Variants in COL4A5 observed in about 807,000 individuals in gnomAD.
The protein encoded by COL4A5 is collagen alpha-5(IV) chain.
In COL4A5, 26 loss-of-function variants were observed where a neutral mutation model predicts 130.2. That is an observed-to-expected ratio of 0.20 (90% CI 0.15 to 0.28). The LOEUF (loss-of-function observed/expected upper bound fraction) is 0.28. Among genes scored for constraint, COL4A5 ranks in the 10% least tolerant of loss-of-function variants. COL4A5 has a pLI of 1.00. For synonymous variants in COL4A5, 496 were observed against 439.6 expected, an observed-to-expected ratio of 1.13 and a Z score of -1.60; for missense variants, 1,131 against 1,344.3, an observed-to-expected ratio of 0.84 and a Z score of 2.48.
At chrX:108,681,082 C>A in intron 46 of COL4A5, 126 bp downstream of exon 46, 1 of 545,579 alleles carries the variant, frequency 1.8e-6, no homozygotes, top group Non-Finnish European at 3.1e-6. Flanking sequence ...GCAAAATAAA[C>A]AAGGCTCTGC....
At chrX:108,543,781 C>G (rs1292612226) in intron 2 of COL4A5, among the ~76,000 whole-genome samples, 1 of 111,764 alleles carries the variant, frequency 8.9e-6, no homozygotes, top group Admixed American at 9.5e-5. Context: ...TCTTTTATTT[C>G]GTTGAGCAGT....
intron 2 of COL4A5, 42 bp from the exon 3 acceptor site, chrX:108,559,022 A>G (rs751157334): frequency 1.5e-5 from 16 of 1,086,489 alleles, no homozygotes; most frequent in Non-Finnish European, 2.0e-5. Flanking sequence ...TGTGCTTGAA[A>G]ATTCACAAAT....
rs778096308 is a variant in COL4A5 at position 108,684,988 on chromosome X, A to C, written c.4217-1043A>C. On this transcript the variant is annotated intron_variant, in intron 47 of 52. Transcript: ENST00000328300. ...AGACGTAACCCATCACATGAACATA[A>C]CCAATAACAAAAAACACATGATTAT... Among the ~76,000 whole-genome samples, 88 of 112,431 alleles carry C rather than the reference A, an allele frequency of 7.8e-4. 1 individual carries two copies. The highest frequency in any genetic ancestry group is 1.0e-3 in the Non-Finnish European group (54 of 53,315).
chrX:108,621,391 C>T (rs1359869471), intron 31 of COL4A5, among the ~76,000 whole-genome samples: 1 of 109,679 alleles, frequency 9.1e-6, no homozygotes, highest in East Asian at 2.9e-4. Flanking sequence ...TCTCAAATTC[C>T]TGTCCTCGAG....
At chrX:108,482,149 C>T in intron 1 of COL4A5, among the ~76,000 whole-genome samples, 1 of 111,828 alleles carries the variant, frequency 8.9e-6, no homozygotes, top group Non-Finnish European at 1.9e-5. Context: ...TTCCTTCCAC[C>T]ATTATCCCAT....
chrX:108,657,212 G>T (rs187855554), intron 37 of COL4A5, among the ~76,000 whole-genome samples: 1 of 109,226 alleles, frequency 9.2e-6, no homozygotes, highest in East Asian at 2.9e-4. Context: ...TTTTTTTCCA[G>T]CACAGTTATC....
intron 1 of COL4A5, among the ~76,000 whole-genome samples, chrX:108,500,883 A>G (rs2065073934): frequency 9.0e-6 from 1 of 111,356 alleles, no homozygotes. Context: ...CGAGTGAGGG[A>G]TGAGTATGGC....
At chrX:108,651,510 T>C (rs2067728196) in intron 36 of COL4A5, among the ~76,000 whole-genome samples, 1 of 111,878 alleles carries the variant, frequency 8.9e-6, no homozygotes, top group Non-Finnish European at 1.9e-5. Context: ...TTCCCCACAA[T>C]TAACTTTGGG....
At chrX:108,598,302 G>C (rs2066558066) in intron 24 of COL4A5, among the ~76,000 whole-genome samples, 1 of 112,021 alleles carries the variant, frequency 8.9e-6, no homozygotes, top group African/African-American at 3.2e-5. Context: ...CATGTTCAAT[G>C]TGCCACAGAA....
At chrX:108,453,156 C>T (rs769300517) in intron 1 of COL4A5, among the ~76,000 whole-genome samples, 34 of 111,264 alleles carry the variant, frequency 3.1e-4, no homozygotes, top group African/African-American at 9.8e-4. Flanking sequence ...TGAACCAGCC[C>T]TGCATCCCAG....
At chrX:108,671,749 C>A (rs2068211590) in intron 42 of COL4A5, among the ~76,000 whole-genome samples, 1 of 111,596 alleles carries the variant, frequency 9.0e-6, no homozygotes, top group Non-Finnish European at 1.9e-5. Context: ...ATTTAGACAT[C>A]AAAGGTGGGA....
intron 1 of COL4A5, among the ~76,000 whole-genome samples, chrX:108,481,550 G>A (rs888767246): frequency 3.6e-5 from 4 of 111,547 alleles, no homozygotes; most frequent in East Asian, 2.8e-4. Context: ...TATCAGTTTC[G>A]CTTCTAGGAA....
chrX:108,605,135 A>G (rs1228128514), intron 28 of COL4A5, among the ~76,000 whole-genome samples: 1 of 112,116 alleles, frequency 8.9e-6, no homozygotes, highest in Non-Finnish European at 1.9e-5. Context: ...TTTCCTTCAC[A>G]TTCACAACTT....
chrX:108,676,553 A>G (rs913600030), intron 43 of COL4A5, among the ~76,000 whole-genome samples: 10 of 112,362 alleles, frequency 8.9e-5, no homozygotes, highest in Non-Finnish European at 1.9e-4. Context: ...GTTTATTCAC[A>G]AGATACATAC....
At chrX:108,600,824 C>T (rs761791095) in intron 25 of COL4A5, among the ~76,000 whole-genome samples, 1 of 111,516 alleles carries the variant, frequency 9.0e-6, no homozygotes, top group Non-Finnish European at 1.9e-5. Context: ...GCCTGAGAAC[C>T]TGAGTGGCTG....
chrX:108,632,956 C>T lies in COL4A5; in HGVS notation c.3246+6607C>T, dbSNP rs187485275. Among the ~76,000 whole-genome samples the T allele has an allele frequency of 1.4e-3, 158 of 111,549 alleles. No individual in the cohort carries two copies. In the East Asian group the frequency reaches 0.035, roughly 25 times the overall value. On this transcript the variant is annotated intron_variant, in intron 36 of 52. Transcript: ENST00000328300. ...GCCCTCTCTCACTACTCCTGTTCAACATAGTGTTGGAAGTTCTGGCCAGGG... is the reference window on the plus strand; with the variant it reads ...GCCCTCTCTCACTACTCCTGTTCAATATAGTGTTGGAAGTTCTGGCCAGGG...
At position 108,439,941 on chromosome X, in the gene COL4A5, A is replaced by T; in HGVS notation, c.-185A>T. On this transcript the variant is annotated 5_prime_UTR_variant, in exon 1 of 53. Coordinates refer to ENST00000328300, the MANE Select transcript of COL4A5 (RefSeq NM_033380.3). ...GGGAGGGGAGGGGGGAAGGAAGAGT[A>T]GCTCCTTCTTCTTCTTCTTTTTTTT... is the stretch of plus-strand genomic sequence containing the variant. 1 of 437,083 alleles carries T rather than the reference A, an allele frequency of 2.3e-6. No homozygotes were observed. 36.0% of individuals were successfully genotyped at this position (437,083 alleles called of 1,213,427 possible).
At chrX:108,529,369 G>A (rs1490792094) in intron 1 of COL4A5, among the ~76,000 whole-genome samples, 2 of 111,165 alleles carry the variant, frequency 1.8e-5, no homozygotes, top group Non-Finnish European at 3.8e-5. Context: ...GAAAGAACAT[G>A]AAAGTATAAA....
intron 21 of COL4A5, among the ~76,000 whole-genome samples, chrX:108,594,934 C>G (rs756814011): frequency 1.8e-5 from 2 of 110,835 alleles, no homozygotes; most frequent in East Asian, 5.7e-4. Context: ...TCACAGCTCA[C>G]TGCAGCCTCA....
Sources: allele counts gnomAD v4.1 joint callset (sites outside exome capture counted in the v4.1 genomes callset), GRCh38; gene constraint gnomAD v4.1.1; transcripts MANE v1.5; gene names NCBI Gene and HGNC (gene_info 2026-07-23, HGNC 2026-07-21).